Variants in PARP8 observed in about 807,000 individuals in gnomAD.
PARP8 encodes poly(ADP-ribose) polymerase family member 8.
PARP8 carries 51 observed loss-of-function variants against 124.1 expected under a neutral mutation model. The ratio of observed to expected loss-of-function variants is 0.41; its 90% CI spans 0.33 to 0.52. PARP8 has a LOEUF of 0.52. Among genes scored for constraint, PARP8 ranks in the 20% least tolerant of loss-of-function variants. The probability of loss-of-function intolerance (pLI) is 0.21; values close to 1 mark genes in which losing one functional copy is unlikely to be tolerated. For synonymous variants in PARP8, 391 were observed against 361.5 expected, an observed-to-expected ratio of 1.08 and a Z score of -0.93; for missense variants, 860 against 1,018.9, an observed-to-expected ratio of 0.84 and a Z score of 2.12.
chr5:50,759,615 T>G (rs1434069491), intron 3 of PARP8, 28 bp from the exon 4 acceptor site: 3 of 1,510,296 alleles, frequency 2.0e-6, no homozygotes, highest in Admixed American at 2.7e-5. Flanking sequence ...CTTATGCCTT[T>G]CATTATCTTT....
chr5:50,839,910 C>T lies in PARP8; in HGVS notation c.2463-2056C>T, dbSNP rs1229640097. On this transcript the variant is annotated intron_variant, in intron 25 of 25. Transcript: ENST00000281631. ...GTGATGGGGGAGTGATGGGGCATGACTGGAGAGGAAATCTGTATTTGAATG... is the reference window on the plus strand; with the variant it reads ...GTGATGGGGGAGTGATGGGGCATGATTGGAGAGGAAATCTGTATTTGAATG... Among the ~76,000 whole-genome samples, 4 of 151,820 alleles carry T rather than the reference C, an allele frequency of 2.6e-5. No homozygotes were observed. The East Asian group carries it at 7.7e-4, about 29-fold the overall frequency.
At chr5:50,752,228 A>G (rs545369248) in intron 3 of PARP8, among the ~76,000 whole-genome samples, 9 of 152,220 alleles carry the variant, frequency 5.9e-5, no homozygotes, top group Admixed American at 3.9e-4. Flanking sequence ...TTGTATTAGC[A>G]AATAACTCAA....
intron 24 of PARP8, among the ~76,000 whole-genome samples, chr5:50,834,629 A>G (rs187741196): frequency 2.8e-4 from 43 of 152,294 alleles, no homozygotes; most frequent in African/African-American, 9.4e-4. Flanking sequence ...CGGTAGTTAT[A>G]TAGGACATGA....
chr5:50,781,646 G>A (rs1740688266), intron 9 of PARP8, among the ~76,000 whole-genome samples: 1 of 152,112 alleles, frequency 6.6e-6, no homozygotes, highest in South Asian at 2.1e-4. Context: ...AGCTCCACTT[G>A]AGACCCTCAG....
chr5:50,679,517 C>T (rs539281692), intron 2 of PARP8, among the ~76,000 whole-genome samples: 41 of 152,260 alleles, frequency 2.7e-4, no homozygotes, highest in African/African-American at 9.4e-4. Context: ...AGGGTGGGCT[C>T]TAGAGCTTTT....
chr5:50,702,898 C>T lies in PARP8; in HGVS notation c.146+34773C>T, dbSNP rs150694993. Among the ~76,000 whole-genome samples the T allele has an allele frequency of 2.9e-3, 442 of 152,256 alleles. 5 individuals carry two copies. Among genetic ancestry groups the T allele is most frequent in the Middle Eastern group, 0.01 (3 of 294 alleles). On this transcript the variant is annotated intron_variant, in intron 2 of 25. Transcript: ENST00000281631. ...TGCTTCCTCTGTGCTGGGCACATGG[C>T]TGTAGTGGTGACAGGGCTGCCTGGA...
chr5:50,714,447 G>C (rs369304800), intron 2 of PARP8, among the ~76,000 whole-genome samples: 3 of 151,976 alleles, frequency 2.0e-5, no homozygotes, highest in African/African-American at 7.2e-5. Flanking sequence ...GGATACATGT[G>C]CTGAACATGC....
chr5:50,667,611 G>A (rs1749470895), intron 1 of PARP8: 4 of 698,982 alleles, frequency 5.7e-6, no homozygotes, highest in Non-Finnish European at 1.0e-5. Context: ...TGTAAGCTGC[G>A]CCCGGCGCCG....
At chr5:50,708,291 A>T (rs982444648) in intron 2 of PARP8, among the ~76,000 whole-genome samples, 17 of 152,130 alleles carry the variant, frequency 1.1e-4, no homozygotes, top group African/African-American at 3.9e-4. Context: ...TGAGAGTATG[A>T]TGCACATCTG....
At chr5:50,702,873 T>G (rs1050736965) in intron 2 of PARP8, among the ~76,000 whole-genome samples, 1 of 152,170 alleles carries the variant, frequency 6.6e-6, no homozygotes, top group African/African-American at 2.4e-5. Context: ...GTTCCTTAAG[T>G]GCTTCCTCTG....
At chr5:50,773,061 T>C (rs1238823778) in intron 7 of PARP8, among the ~76,000 whole-genome samples, 3 of 152,210 alleles carry the variant, frequency 2.0e-5, no homozygotes, top group African/African-American at 7.2e-5. Context: ...CTTGAACTGT[T>C]TGAGTTCCTT....
At position 50,667,102 on chromosome 5, in the gene PARP8, A is replaced by C. The variant is rs755498419; in HGVS notation, c.7A>C (p.Met3Leu). The C allele has an allele frequency of 6.3e-7, 1 of 1,595,886 alleles. No individual in the cohort carries two copies. Among genetic ancestry groups the C allele is most frequent in the Non-Finnish European group, 8.5e-7 (1 of 1,179,702 alleles). The part of the protein sequence containing the change: MG[M>L]CSRQERIQKD... ...TTTTCCAGGGATTTATTTAATGGGG[A>C]TGTGTTCAAGGCAAGAGCGAATTCA... Residue 3 changes from methionine to leucine, a missense_variant, in exon 1 of 26, where the codon ATG (methionine) becomes CTG (leucine). Met to Leu is a conservative substitution (Grantham distance 15). This residue lies in a region of PARP8 where 517 missense variants were observed against 544.2 expected (regional missense o/e 0.95). Coordinates refer to ENST00000281631, the MANE Select transcript of PARP8 (RefSeq NM_024615.4).
At position 50,772,004 on chromosome 5, in the gene PARP8, A is replaced by G. The variant is rs72756133; in HGVS notation, c.519-6065A>G. Among the ~76,000 whole-genome samples the G allele has an allele frequency of 3.4e-3, 520 of 152,248 alleles. 1 individual carries two copies. The highest frequency in any genetic ancestry group is 5.6e-3 in the Non-Finnish European group (382 of 68,018). On this transcript the variant is annotated intron_variant, in intron 7 of 25. Transcript: ENST00000281631. The stretch of plus-strand genomic sequence containing the variant: ...CATTGACCAGTTTCTCCTCCTCATC[A>G]TCTTTCCCTTTATGCTTCCCAACCT...
chr5:50,761,666 C>T (rs1412793308), intron 5 of PARP8, among the ~76,000 whole-genome samples, 155 bp from the exon 6 acceptor site: 1 of 151,946 alleles, frequency 6.6e-6, no homozygotes, highest in Non-Finnish European at 1.5e-5. Flanking sequence ...CATTTGTCTC[C>T]CACTACCTTT....
intron 14 of PARP8, among the ~76,000 whole-genome samples, chr5:50,808,166 G>A (rs1341911783): frequency 1.3e-5 from 2 of 151,836 alleles, no homozygotes; most frequent in Non-Finnish European, 2.9e-5. Context: ...TTTAGCCACG[G>A]TTGAGGATGG....
At chr5:50,759,228 AT>A (rs533684690) in intron 3 of PARP8, among the ~76,000 whole-genome samples, 36 of 149,980 alleles carry the variant, frequency 2.4e-4, no homozygotes, top group Admixed American at 1.3e-3. Flanking sequence ...CCACTAATAA[AT>A]TTTTTTTTTA....
chr5:50,728,354 G>A (rs1580118361), intron 2 of PARP8, among the ~76,000 whole-genome samples: 1 of 152,164 alleles, frequency 6.6e-6, no homozygotes, highest in Non-Finnish European at 1.5e-5. Context: ...TCATAAAAAT[G>A]ATTCTGTTGA....
chr5:50,793,150 A>T (rs1366122997), intron 10 of PARP8, among the ~76,000 whole-genome samples: 1 of 152,186 alleles, frequency 6.6e-6, no homozygotes, highest in African/African-American at 2.4e-5. Flanking sequence ...AAATGTGCAT[A>T]TAACATTTCT....
intron 2 of PARP8, among the ~76,000 whole-genome samples, chr5:50,698,553 A>G (rs777813070): frequency 6.6e-6 from 1 of 152,158 alleles, no homozygotes; most frequent in Non-Finnish European, 1.5e-5. Flanking sequence ...ATGCAGCAGA[A>G]TCTCAGTGGA....
Sources: gnomAD v4.1 joint callset for allele counts (sites outside exome capture counted in the v4.1 genomes callset) on GRCh38, gnomAD v4.1.1 for gene constraint, gnomAD v4.1.1 regional missense constraint, MANE v1.5 for transcripts, NCBI Gene and HGNC (gene_info 2026-07-23, HGNC 2026-07-21) for gene names.